The following EPHB2 variants were observed in gnomAD, a reference collection of about 807,000 sequenced individuals.
EPHB2 encodes EPH receptor B2, also known as ephrin type-B receptor 2.
In EPHB2, 18 loss-of-function variants were observed where a neutral mutation model predicts 96.4. The observed-to-expected ratio is 0.19, with a 90% CI of 0.13 to 0.28. The LOEUF (loss-of-function observed/expected upper bound fraction) is 0.28. EPHB2 is among the 10% of genes least tolerant of loss of function. The probability of loss-of-function intolerance (pLI) is 1.00; values close to 1 mark genes in which losing one functional copy is unlikely to be tolerated. For missense variants in EPHB2, 989 were observed against 1,355.4 expected, an observed-to-expected ratio of 0.73 and a Z score of 4.25; for synonymous variants, 506 against 534.1, an observed-to-expected ratio of 0.95 and a Z score of 0.72.
At chr1:22,757,240 C>T (rs1453749002) in intron 1 of EPHB2, among the ~76,000 whole-genome samples, 2 of 151,996 alleles carry the variant, frequency 1.3e-5, no homozygotes, top group Non-Finnish European at 2.9e-5. Flanking sequence ...CTGCTGAGAG[C>T]CCTACCCTCC....
intron 3 of EPHB2, among the ~76,000 whole-genome samples, chr1:22,847,491 A>C (rs528888488): frequency 1.3e-5 from 2 of 152,290 alleles, no homozygotes; most frequent in African/African-American, 4.8e-5. Context: ...AGGGCTCAAG[A>C]CCTAGGGAAG....
At chr1:22,752,570 T>C (rs1313183325) in intron 1 of EPHB2, among the ~76,000 whole-genome samples, 1 of 150,426 alleles carries the variant, frequency 6.6e-6, no homozygotes, top group East Asian at 1.9e-4. Context: ...AATATAAAAT[T>C]ACCACGTAGT....
chr1:22,746,298 A>C (rs1643972852), intron 1 of EPHB2, among the ~76,000 whole-genome samples: 1 of 152,186 alleles, frequency 6.6e-6, no homozygotes, highest in African/African-American at 2.4e-5. Flanking sequence ...TCCTGGAGGA[A>C]GTGACACATA....
intron 3 of EPHB2, among the ~76,000 whole-genome samples, chr1:22,815,401 C>A (rs980268874): frequency 1.3e-5 from 2 of 152,252 alleles, no homozygotes; most frequent in African/African-American, 2.4e-5. Context: ...TTGCCCAAGG[C>A]CACCCATCAA....
At position 22,860,009 on chromosome 1, in the gene EPHB2, T is replaced by C. The variant is rs998485675; in HGVS notation, c.812-3028T>C. 6.6e-6 allele frequency among the ~76,000 whole-genome samples: 1 copy of C among 152,210 alleles called. No individual in the cohort carries two copies. The highest frequency in any genetic ancestry group is 2.4e-5 in the African/African-American group (1 of 41,444). ...ATGTGCCTGTGCTGGGCCTGTTTCA[T>C]ATAAATGGAATCCTGCTTTCATGGC... On this transcript the variant is annotated intron_variant, in intron 3 of 15. Transcript: ENST00000374630. The surrounding 1 kb of genome is among the most constrained non-coding windows in gnomAD (Gnocchi z 4.6).
intron 3 of EPHB2, among the ~76,000 whole-genome samples, chr1:22,843,600 G>A (rs1458483112): frequency 6.6e-6 from 1 of 152,132 alleles, no homozygotes. Context: ...GAGTGCAGTG[G>A]TGCAATCTCA....
At chr1:22,801,760 G>A (rs1229850233) in intron 3 of EPHB2, among the ~76,000 whole-genome samples, 1 of 152,214 alleles carries the variant, frequency 6.6e-6, no homozygotes, top group East Asian at 1.9e-4. Context: ...CAGATGGGCA[G>A]CCCCTCGTGG....
intron 9 of EPHB2, 90 bp from the exon 10 acceptor site, chr1:22,905,897 T>A: frequency 6.3e-7 from 1 of 1,590,158 alleles, no homozygotes; most frequent in Non-Finnish European, 8.6e-7. Flanking sequence ...TGGGAGTGGA[T>A]TTCCCTCCAC....
At chr1:22,732,159 A>G (rs1643731847) in intron 1 of EPHB2, among the ~76,000 whole-genome samples, 1 of 152,120 alleles carries the variant, frequency 6.6e-6, no homozygotes, top group East Asian at 1.9e-4. Flanking sequence ...TGCAGTGGGA[A>G]TTAGAGGGCC....
At chr1:22,786,789 G>C (rs753329823) in intron 3 of EPHB2, among the ~76,000 whole-genome samples, 9 of 152,354 alleles carry the variant, frequency 5.9e-5, no homozygotes, top group Middle Eastern at 3.4e-3. Context: ...AAAGGGAGGA[G>C]AGGTAAGAGT....
chr1:22,821,968 G>A (rs1375913440), intron 3 of EPHB2, among the ~76,000 whole-genome samples: 1 of 152,138 alleles, frequency 6.6e-6, no homozygotes, highest in Non-Finnish European at 1.5e-5. Context: ...AGGGGCAATG[G>A]ATAAGGGAGA....
rs138818493 is a variant in EPHB2, at chr1:22,852,273, G to A, written c.812-10764G>A. ...CAGATTCCCAGAAGAGTTCCAGCTC[G>A]GACCCCAGGACAACCTCCCAGCAGC... On this transcript the variant is annotated intron_variant, in intron 3 of 15. Coordinates refer to ENST00000374630, the MANE Select transcript of EPHB2 (RefSeq NM_017449.5). Among the ~76,000 whole-genome samples, 1,010 of 152,258 alleles carry A rather than the reference G, an allele frequency of 6.6e-3. 6 individuals are homozygous for A. Among genetic ancestry groups the A allele is most frequent in the African/African-American group, 0.022 (919 of 41,572 alleles).
chr1:22,895,493 A>G lies in EPHB2; in HGVS notation c.1613A>G (p.Gln538Arg). ...MTEAEYQTSI[Q>R]EKLPLIIGSS... ...CCAGCCGAGTACCAGACAAGCATCC[A>G]GGAGAAGTTGCCACTCATCATCGGC... The change falls in exon 8 of 16, where the codon CAG becomes CGG. Residue 538 changes from glutamine (Q) to arginine (R), a missense_variant. Coordinates refer to ENST00000374630, the MANE Select transcript of EPHB2 (RefSeq NM_017449.5). The G allele has an allele frequency of 2.5e-6, 4 of 1,614,250 alleles. No individual in the cohort carries two copies. The highest frequency in any genetic ancestry group is 1.1e-5 in the South Asian group (1 of 91,088).
rs1434249029 is a variant in EPHB2 at position 22,846,670 on chromosome 1, C to G, written c.812-16367C>G. On this transcript the variant is annotated intron_variant, in intron 3 of 15. Transcript: ENST00000374630. The surrounding 1 kb of genome is among the most constrained non-coding windows in gnomAD (Gnocchi z 4.3). Reference sequence around the variant, plus strand: ...CCTCAAACGAGCAGCAGGTCCTCAGCCTTGCCATGCAGTTTCCCATCTCCA... The same window carrying G: ...CCTCAAACGAGCAGCAGGTCCTCAGGCTTGCCATGCAGTTTCCCATCTCCA... 2.0e-5 allele frequency among the ~76,000 whole-genome samples: 3 copies of G among 152,204 alleles called. No homozygotes were observed. Among genetic ancestry groups the G allele is most frequent in the African/African-American group, 7.2e-5 (3 of 41,454 alleles).
rs1336434968 is a variant in EPHB2 at position 22,916,005 on chromosome 1, G to A, written c.*2435G>A. The A allele has an allele frequency of 6.6e-6, 1 of 152,476 alleles. No individual in the cohort carries two copies. Among genetic ancestry groups the A allele is most frequent in the Admixed American group, 6.5e-5 (1 of 15,290 alleles). 9.4% of individuals were successfully genotyped at this position (152,476 alleles called of 1,614,324 possible). A position where few individuals can be genotyped will look rare whatever the true frequency, so the allele number is the denominator to read the frequency against. ...CGGGAGCCTGAGCTGCAAAGGGAAG[G>A]AAGGGATTAGAGAGAAGTGTGGGCC... On this transcript the variant is annotated 3_prime_UTR_variant, in exon 16 of 16. Transcript: ENST00000374630. The surrounding 1 kb of genome is among the most constrained non-coding windows in gnomAD (Gnocchi z 4.2).
At chr1:22,771,562 T>G (rs899138142) in intron 1 of EPHB2, among the ~76,000 whole-genome samples, 1 of 152,188 alleles carries the variant, frequency 6.6e-6, no homozygotes, top group African/African-American at 2.4e-5. Context: ...TGAGGGTATC[T>G]CAGCTCTGCC....
intron 1 of EPHB2, among the ~76,000 whole-genome samples, chr1:22,749,023 T>A (rs928191944): frequency 1.9e-5 from 2 of 106,786 alleles, no homozygotes; most frequent in African/African-American, 7.6e-5. Flanking sequence ...ACTTTGTGGC[T>A]TTTTTTTTTT....
At chr1:22,812,548 C>T (rs999253116) in intron 3 of EPHB2, among the ~76,000 whole-genome samples, 5 of 152,026 alleles carry the variant, frequency 3.3e-5, no homozygotes, top group South Asian at 2.1e-4. Flanking sequence ...CTGTGGAGAG[C>T]GAGACGTTGC....
At chr1:22,876,656 C>T (rs777971853) in intron 5 of EPHB2, among the ~76,000 whole-genome samples, 41 of 152,216 alleles carry the variant, frequency 2.7e-4, no homozygotes, top group Non-Finnish European at 4.7e-4. Flanking sequence ...GCGTGCCCGG[C>T]TAGTAATTGA....
Sources: gnomAD v4.1 joint callset for allele counts (sites outside exome capture counted in the v4.1 genomes callset) on GRCh38, gnomAD v4.1.1 for gene constraint, Gnocchi (gnomAD v3.1) non-coding constraint, MANE v1.5 for transcripts, NCBI Gene and HGNC (gene_info 2026-07-23, HGNC 2026-07-21) for gene names.